The following GRIN2A variants were observed in gnomAD, a reference collection of about 807,000 sequenced individuals.
GRIN2A encodes glutamate ionotropic receptor NMDA type subunit 2A, also known as glutamate receptor ionotropic, NMDA 2A.
A neutral mutation model predicts 113.4 loss-of-function variants in GRIN2A; 22 were observed. That is an observed-to-expected ratio of 0.19 (90% CI 0.14 to 0.28). GRIN2A has a LOEUF of 0.28. Among genes scored for constraint, GRIN2A ranks in the 10% least tolerant of loss-of-function variants. The pLI is 1.00. For missense variants in GRIN2A, 1,502 were observed against 1,887.0 expected (o/e 0.80, Z 3.78); for synonymous variants, 827 against 738.4 (o/e 1.12, Z -1.94).
intron 2 of GRIN2A, among the ~76,000 whole-genome samples, chr16:10,044,334 C>A (rs1454709283): frequency 6.6e-6 from 1 of 151,906 alleles, no homozygotes; most frequent in Non-Finnish European, 1.5e-5. Flanking sequence ...ACCTGGCCTG[C>A]AATATTTTTT....
chr16:10,159,640 T>A (rs1230356282), intron 2 of GRIN2A, among the ~76,000 whole-genome samples: 1 of 151,766 alleles, frequency 6.6e-6, no homozygotes, highest in Non-Finnish European at 1.5e-5. Context: ...ATTTTACAGA[T>A]GAGGAAAGGT....
At chr16:10,105,386 G>C (rs931173604) in intron 2 of GRIN2A, among the ~76,000 whole-genome samples, 1 of 152,126 alleles carries the variant, frequency 6.6e-6, no homozygotes, top group Non-Finnish European at 1.5e-5. Flanking sequence ...CTGGCCAAGA[G>C]AGTTGTGGAC....
intron 2 of GRIN2A, chr16:10,112,081 T>C: frequency 1.7e-6 from 1 of 605,372 alleles, no homozygotes; most frequent in Non-Finnish European, 3.0e-6. Flanking sequence ...GACTACATTC[T>C]GGCCTCCAAG....
intron 4 of GRIN2A, among the ~76,000 whole-genome samples, chr16:9,877,354 T>C (rs776091495): frequency 1.1e-4 from 16 of 152,108 alleles, no homozygotes; most frequent in African/African-American, 3.9e-4. Context: ...TTCAAACTTA[T>C]TTTAGAAATA....
intron 2 of GRIN2A, among the ~76,000 whole-genome samples, chr16:10,011,278 TAAGTGGAGAC>T (rs1330045000): frequency 2.0e-5 from 3 of 152,230 alleles, no homozygotes; most frequent in African/African-American, 7.2e-5. Context: ...GATTTGGAGA[TAAGTGGAGAC>T]AAGTTCACCC....
chr16:9,920,291 A>C (rs2044334403), intron 3 of GRIN2A, among the ~76,000 whole-genome samples: 1 of 152,224 alleles, frequency 6.6e-6, no homozygotes, highest in African/African-American at 2.4e-5. Context: ...TGCTAGGTGA[A>C]CATGGGTAAC....
At chr16:9,875,345 C>G (rs1336768260) in intron 4 of GRIN2A, among the ~76,000 whole-genome samples, 1 of 152,156 alleles carries the variant, frequency 6.6e-6, no homozygotes, top group African/African-American at 2.4e-5. Flanking sequence ...TATGCAACCT[C>G]TTTTTATCTC....
chr16:10,062,848 G>C (rs2047571592), intron 2 of GRIN2A, among the ~76,000 whole-genome samples: 1 of 151,008 alleles, frequency 6.6e-6, no homozygotes, highest in African/African-American at 2.4e-5. Flanking sequence ...CTGGGTGACA[G>C]AGCAAGACTC....
At chr16:9,887,760 AAC>A (rs1272457985) in intron 4 of GRIN2A, among the ~76,000 whole-genome samples, 74 of 152,178 alleles carry the variant, frequency 4.9e-4, no homozygotes, top group Admixed American at 4.7e-3. Flanking sequence ...AAACAAAAAA[AAC>A]ACACACACAG....
chr16:10,127,133 G>C (rs1036330247), intron 2 of GRIN2A, among the ~76,000 whole-genome samples: 1 of 152,022 alleles, frequency 6.6e-6, no homozygotes, highest in African/African-American at 2.4e-5. Context: ...AAATCCACTT[G>C]CCTTGGGAGA....
chr16:9,809,833 T>C (rs914615662), intron 10 of GRIN2A, among the ~76,000 whole-genome samples: 4 of 152,106 alleles, frequency 2.6e-5, no homozygotes, highest in African/African-American at 9.7e-5. Flanking sequence ...TTTGGGAGGC[T>C]GAGGAGGGTG....
At chr16:9,966,273 C>T (rs183315519) in intron 2 of GRIN2A, among the ~76,000 whole-genome samples, 108 of 152,284 alleles carry the variant, frequency 7.1e-4, no homozygotes, top group Middle Eastern at 6.8e-3. Flanking sequence ...TCCTCCCACC[C>T]TCCACCCTCT....
intron 3 of GRIN2A, among the ~76,000 whole-genome samples, chr16:9,929,061 T>G (rs2044530812): frequency 6.6e-6 from 1 of 152,236 alleles, no homozygotes; most frequent in Non-Finnish European, 1.5e-5. Context: ...AGCGTAACTC[T>G]TTCTCTCCAA....
intron 2 of GRIN2A, among the ~76,000 whole-genome samples, chr16:10,038,378 T>C (rs1417457469): frequency 1.3e-5 from 2 of 152,112 alleles, no homozygotes; most frequent in East Asian, 1.9e-4. Flanking sequence ...CCTCCTCTTG[T>C]CTAGACCTGT....
chr16:9,824,875 G>A (rs1393234530), intron 9 of GRIN2A, among the ~76,000 whole-genome samples: 1 of 152,026 alleles, frequency 6.6e-6, no homozygotes, highest in Admixed American at 6.6e-5. Context: ...AAACAGTGAG[G>A]GGGCAAGGAT....
chr16:9,796,157 G>C (rs747540518), intron 11 of GRIN2A, among the ~76,000 whole-genome samples: 2 of 152,224 alleles, frequency 1.3e-5, no homozygotes, highest in Non-Finnish European at 2.9e-5. Flanking sequence ...TGCTTCGAGA[G>C]TGACACCAAT....
chr16:10,048,197 A>C (rs1487033426), intron 2 of GRIN2A, among the ~76,000 whole-genome samples: 1 of 152,252 alleles, frequency 6.6e-6, no homozygotes, highest in Non-Finnish European at 1.5e-5. Flanking sequence ...AAATGCAGAT[A>C]ATAATACTCA....
At chr16:9,808,429 C>A (rs919436335) in intron 10 of GRIN2A, among the ~76,000 whole-genome samples, 2 of 152,114 alleles carry the variant, frequency 1.3e-5, no homozygotes, top group Non-Finnish European at 2.9e-5. Flanking sequence ...CACAGGAGGA[C>A]TGAAAGACAG....
At chr16:10,095,321 T>C (rs1052928631) in intron 2 of GRIN2A, among the ~76,000 whole-genome samples, 18 of 152,322 alleles carry the variant, frequency 1.2e-4, no homozygotes, top group African/African-American at 4.3e-4. Flanking sequence ...GACAAGAATG[T>C]GTCAAAAGAA....
Sources: gnomAD v4.1 joint callset for allele counts (sites outside exome capture counted in the v4.1 genomes callset) on GRCh38, gnomAD v4.1.1 for gene constraint, MANE v1.5 for transcripts, NCBI Gene and HGNC (gene_info 2026-07-23, HGNC 2026-07-21) for gene names.